The following LRBA variants were observed in gnomAD, a reference collection of about 807,000 sequenced individuals.
LRBA encodes lipopolysaccharide-responsive and beige-like anchor protein.
Under a neutral mutation model 330.0 loss-of-function variants are expected in LRBA, and 176 were observed. The ratio of observed to expected loss-of-function variants is 0.53; its 90% CI spans 0.47 to 0.60. LRBA has a LOEUF of 0.60. LRBA is among the 20% of genes least tolerant of loss of function. The pLI, the probability that LRBA is intolerant of heterozygous loss-of-function variation, is 0.00. For missense variants in LRBA, 3,259 were observed against 3,444.8 expected (o/e 0.95, Z 1.35); for synonymous variants, 1,230 against 1,193.0 (o/e 1.03, Z -0.64).
At chr4:150,640,340 G>T (rs1778556621) in intron 37 of LRBA, among the ~76,000 whole-genome samples, 1 of 152,028 alleles carries the variant, frequency 6.6e-6, no homozygotes. Flanking sequence ...ATTTGTACCT[G>T]TCACATTCAC....
chr4:150,544,729 G>C (rs1765680214), intron 40 of LRBA, among the ~76,000 whole-genome samples: 1 of 152,008 alleles, frequency 6.6e-6, no homozygotes, highest in Non-Finnish European at 1.5e-5. Flanking sequence ...TAAACATATG[G>C]GCCTGACCCT....
At chr4:150,763,180 T>C (rs1165394869) in intron 34 of LRBA, among the ~76,000 whole-genome samples, 1 of 151,986 alleles carries the variant, frequency 6.6e-6, no homozygotes, top group Non-Finnish European at 1.5e-5. Flanking sequence ...TGGCTAGAAC[T>C]AGCAGAGAAG....
intron 22 of LRBA, among the ~76,000 whole-genome samples, chr4:150,863,745 G>A (rs963588931): frequency 2.0e-5 from 3 of 151,946 alleles, no homozygotes; most frequent in Admixed American, 6.6e-5. Flanking sequence ...TTACACAAAC[G>A]GATTTGAAAA....
chr4:150,498,642 A>C (rs181657933), intron 40 of LRBA, among the ~76,000 whole-genome samples: 200 of 152,310 alleles, frequency 1.3e-3, no homozygotes, highest in Non-Finnish European at 2.4e-3. Context: ...AGAAGGAACA[A>C]AATGAACTTA....
At chr4:150,345,924 C>T (rs1486526341) in intron 48 of LRBA, among the ~76,000 whole-genome samples, 2 of 152,016 alleles carry the variant, frequency 1.3e-5, no homozygotes, top group African/African-American at 4.8e-5. Context: ...TCCCACCTCC[C>T]ACAGCACCCA....
chr4:150,686,318 T>C (rs1662629219), intron 36 of LRBA, among the ~76,000 whole-genome samples: 2 of 152,122 alleles, frequency 1.3e-5, no homozygotes, highest in African/African-American at 2.4e-5. Flanking sequence ...CTAGAATAAC[T>C]CATGAGAAAT....
chr4:150,699,169 T>G (rs554181394), intron 36 of LRBA, among the ~76,000 whole-genome samples: 56 of 152,146 alleles, frequency 3.7e-4, no homozygotes, highest in African/African-American at 1.3e-3. Flanking sequence ...AAGAATCTGG[T>G]CAAAAGAGCT....
chr4:150,586,646 A>G (rs1772152042), intron 40 of LRBA, among the ~76,000 whole-genome samples: 1 of 152,154 alleles, frequency 6.6e-6, no homozygotes, highest in Non-Finnish European at 1.5e-5. Context: ...TAATTTAATG[A>G]TGCTGTACAG....
chr4:150,910,345 T>C (rs1221296912), intron 9 of LRBA, among the ~76,000 whole-genome samples: 1 of 152,192 alleles, frequency 6.6e-6, no homozygotes, highest in Admixed American at 6.5e-5. Context: ...CAATGTACAA[T>C]ATGAATTAAG....
intron 47 of LRBA, among the ~76,000 whole-genome samples, chr4:150,369,595 TAAGAG>T (rs1280704712): frequency 6.6e-6 from 1 of 152,054 alleles, no homozygotes; most frequent in African/African-American, 2.4e-5. Flanking sequence ...CTAAGAAATA[TAAGAG>T]CTGCAAAATA....
intron 34 of LRBA, among the ~76,000 whole-genome samples, chr4:150,779,383 T>G (rs986033646): frequency 6.6e-6 from 1 of 151,990 alleles, no homozygotes; most frequent in Non-Finnish European, 1.5e-5. Flanking sequence ...CATAAAAAAT[T>G]TTAAGCATAA....
At chr4:150,733,782 G>A (rs1730823796) in intron 36 of LRBA, among the ~76,000 whole-genome samples, 1 of 151,828 alleles carries the variant, frequency 6.6e-6, no homozygotes, top group South Asian at 2.1e-4. Flanking sequence ...TTCTTAGCTG[G>A]TTACTGACTG....
At chr4:150,473,199 T>A (rs1050996555) in intron 42 of LRBA, among the ~76,000 whole-genome samples, 6 of 152,196 alleles carry the variant, frequency 3.9e-5, no homozygotes, top group Non-Finnish European at 5.9e-5. Context: ...TTTTAATGTA[T>A]GTTGTTGAGC....
intron 40 of LRBA, among the ~76,000 whole-genome samples, chr4:150,515,920 T>G (rs1762283753): frequency 6.6e-6 from 1 of 151,900 alleles, no homozygotes; most frequent in African/African-American, 2.4e-5. Flanking sequence ...AAGTACAATC[T>G]GAACACCCAA....
chr4:150,373,192 A>AGG (rs1377939856), intron 47 of LRBA, among the ~76,000 whole-genome samples: 1 of 151,108 alleles, frequency 6.6e-6, no homozygotes, highest in African/African-American at 2.4e-5. Flanking sequence ...AGAGAGAGAG[A>AGG]GAGAGAGAGA....
intron 23 of LRBA, 112 bp downstream of exon 23, chr4:150,851,769 TTTAG>T: frequency 7.6e-6 from 8 of 1,053,650 alleles, no homozygotes; most frequent in Non-Finnish European, 1.0e-5. Context: ...ATTGCATTTA[TTTAG>T]TTGTGAATAG....
chr4:150,697,341 A>G (rs949112880), intron 36 of LRBA, among the ~76,000 whole-genome samples: 4 of 148,160 alleles, frequency 2.7e-5, no homozygotes, highest in African/African-American at 9.9e-5. Context: ...AAAAAAAAAA[A>G]AAAAAAAAAA....
At chr4:150,266,264 G>A (rs995231958) in intron 56 of LRBA, among the ~76,000 whole-genome samples, 1 of 152,188 alleles carries the variant, frequency 6.6e-6, no homozygotes, top group African/African-American at 2.4e-5. Context: ...ACCTCTGACA[G>A]GTACAGAATC....
At chr4:150,555,470 C>T (rs1581660447) in intron 40 of LRBA, among the ~76,000 whole-genome samples, 1 of 152,048 alleles carries the variant, frequency 6.6e-6, no homozygotes, top group South Asian at 2.1e-4. Context: ...ACAATACAAA[C>T]AGAATTGGCT....
Sources: allele counts gnomAD v4.1 joint callset (sites outside exome capture counted in the v4.1 genomes callset), GRCh38; gene constraint gnomAD v4.1.1; transcripts MANE v1.5; gene names NCBI Gene and HGNC (gene_info 2026-07-23, HGNC 2026-07-21).